The following HTR4 variants were observed in gnomAD, a reference collection of about 807,000 sequenced individuals.
HTR4 encodes the protein 5-hydroxytryptamine receptor 4, also known as 5-hydroxytryptamine (serotonin) receptor 4, G protein-coupled.
HTR4 carries 16 observed loss-of-function variants against 36.8 expected under a neutral mutation model. The observed-to-expected ratio is 0.43, with a 90% CI of 0.29 to 0.66. The LOEUF (loss-of-function observed/expected upper bound fraction) is 0.66, where lower values mean the gene tolerates loss of function less well. Among genes scored for constraint, HTR4 ranks in the 30% least tolerant of loss-of-function variants. HTR4 has a pLI of 0.13. For synonymous variants in HTR4, 189 were observed against 185.1 expected (o/e 1.02, Z -0.17); for missense variants, 438 against 490.9 (o/e 0.89, Z 1.02).
chr5:148,581,423 A>G, intron 2 of HTR4, among the ~76,000 whole-genome samples: 1 of 143,790 alleles, frequency 7.0e-6, no homozygotes, highest in East Asian at 2.0e-4. Context: ...ACTGAGATCA[A>G]TGACAAGAAG....
rs576734270 is a variant in HTR4, at chr5:148,564,466, A to G, written c.27-14204T>C. 2.0e-5 allele frequency among the ~76,000 whole-genome samples: 3 copies of G among 152,316 alleles called. No homozygotes were observed. The South Asian group carries it at 6.2e-4, about 32-fold the overall frequency. On this transcript the variant is annotated intron_variant, in intron 2 of 6. Transcript: ENST00000377888. ...CACTAACTTACTGATTTTGGTATCAACAGTGCCTAGTATAACAAATATATG... is the reference window on the plus strand; with the variant it reads ...CACTAACTTACTGATTTTGGTATCAGCAGTGCCTAGTATAACAAATATATG...
intron 2 of HTR4, among the ~76,000 whole-genome samples, chr5:148,620,816 A>C (rs980586310): frequency 5.9e-5 from 9 of 152,166 alleles, no homozygotes; most frequent in African/African-American, 2.2e-4. Context: ...ATATTCAGGA[A>C]GCCTTGACTT....
chr5:148,538,739 G>A (rs1361485907), intron 4 of HTR4, among the ~76,000 whole-genome samples: 1 of 152,024 alleles, frequency 6.6e-6, no homozygotes, highest in Non-Finnish European at 1.5e-5. Context: ...ACAAAGAAAT[G>A]GAAAAACATT....
At chr5:148,543,618 G>T (rs1177262549) in intron 4 of HTR4, among the ~76,000 whole-genome samples, 1 of 152,104 alleles carries the variant, frequency 6.6e-6, no homozygotes, top group Admixed American at 6.5e-5. Context: ...GTTACCTCAG[G>T]TTATGCAGCT....
intron 2 of HTR4, among the ~76,000 whole-genome samples, chr5:148,551,959 G>T (rs1442216014): frequency 6.6e-6 from 1 of 152,122 alleles, no homozygotes; most frequent in Non-Finnish European, 1.5e-5. Context: ...TGGCTGGTCT[G>T]GGAGAGGCTG....
intron 5 of HTR4, among the ~76,000 whole-genome samples, chr5:148,516,003 T>C (rs1382867432): frequency 6.8e-6 from 1 of 148,030 alleles, no homozygotes; most frequent in East Asian, 2.0e-4. Context: ...TATATACACA[T>C]ATACATATAT....
At chr5:148,620,872 T>C (rs559185385) in intron 2 of HTR4, among the ~76,000 whole-genome samples, 1 of 152,294 alleles carries the variant, frequency 6.6e-6, no homozygotes, top group South Asian at 2.1e-4. Flanking sequence ...TGTCTCAGAC[T>C]AACCAAAAGG....
intron 4 of HTR4, among the ~76,000 whole-genome samples, chr5:148,541,270 G>A (rs979602900): frequency 6.6e-6 from 1 of 152,112 alleles, no homozygotes; most frequent in African/African-American, 2.4e-5. Flanking sequence ...TCTGAGGACA[G>A]AGAAACCAAC....
chr5:148,614,769 C>T (rs1332223332), intron 2 of HTR4, among the ~76,000 whole-genome samples: 1 of 152,068 alleles, frequency 6.6e-6, no homozygotes, highest in Non-Finnish European at 1.5e-5. Context: ...AGAAAATTTT[C>T]ACAACCTACT....
intron 6 of HTR4, among the ~76,000 whole-genome samples, chr5:148,492,236 T>C (rs746534982): frequency 1.3e-5 from 2 of 152,338 alleles, no homozygotes; most frequent in East Asian, 1.9e-4. Flanking sequence ...ACACACGGAA[T>C]GTGCTCAACT....
intron 2 of HTR4, among the ~76,000 whole-genome samples, chr5:148,634,386 A>G (rs1292351468): frequency 6.6e-6 from 1 of 152,212 alleles, no homozygotes; most frequent in Non-Finnish European, 1.5e-5. Flanking sequence ...ATATGTATTG[A>G]AATAAAATAT....
At chr5:148,590,222 G>T (rs1296581144) in intron 2 of HTR4, among the ~76,000 whole-genome samples, 9 of 150,036 alleles carry the variant, frequency 6.0e-5, no homozygotes, top group Admixed American at 1.3e-4. Flanking sequence ...CTCAACCCAG[G>T]ATTTTAGTTC....
Position 148,481,652 on chromosome 5 carries a change from CAAT to C in HTR4, c.*1548_*1550del, listed in dbSNP as rs1024501751. On this transcript the variant is annotated 3_prime_UTR_variant, in exon 7 of 7. Coordinates refer to ENST00000377888, the MANE Select transcript of HTR4 (RefSeq NM_000870.7). ...GAACTAAAGTAAACAACAATGGAAA[CAAT>C]AACTGACACCTTATAAGCAATAAGA... 2.0e-6 allele frequency: 3 copies of C among 1,492,852 alleles called. No individual in the cohort carries two copies. In the African/African-American group the frequency reaches 4.3e-5, roughly 21 times the overall value. The allele number at this position is 1,492,852 out of a possible 1,614,324, so 92.5% of individuals were successfully genotyped here.
chr5:148,545,649 C>T (rs1161081884), intron 4 of HTR4, among the ~76,000 whole-genome samples: 1 of 152,096 alleles, frequency 6.6e-6, no homozygotes, highest in East Asian at 1.9e-4. Context: ...AGTTTTCAGG[C>T]AGAGGGAAAA....
intron 2 of HTR4, among the ~76,000 whole-genome samples, chr5:148,573,247 G>C (rs541233550): frequency 6.6e-6 from 1 of 152,192 alleles, no homozygotes; most frequent in Admixed American, 6.6e-5. Flanking sequence ...GTATTGAGAA[G>C]GTTTCTGAGA....
chr5:148,482,549 G>A lies in HTR4; in HGVS notation c.*654C>T, dbSNP rs1755938012. The stretch of plus-strand genomic sequence containing the variant: ...GAAAATAAATGGAGCATGTCCTGAA[G>A]AGGAGGACAGACATTGGACATAAGG... On this transcript the variant is annotated 3_prime_UTR_variant, in exon 7 of 7. Coordinates refer to ENST00000377888, the MANE Select transcript of HTR4 (RefSeq NM_000870.7). The A allele has an allele frequency of 1.0e-6, 1 of 985,922 alleles. No individual in the cohort carries two copies. The highest frequency in any genetic ancestry group is 1.7e-5 in the African/African-American group (1 of 57,240). 61.1% of individuals were successfully genotyped at this position (985,922 alleles called of 1,614,324 possible).
In HTR4 at chr5:148,509,960, G is replaced by T. The variant is rs774432073; in HGVS notation, c.572C>A (p.Pro191His). 6.2e-7 allele frequency: 1 copy of T among 1,613,890 alleles called. No individual in the cohort carries two copies. The highest frequency in any genetic ancestry group is 1.1e-5 in the South Asian group (1 of 91,060). Residue 191 changes from proline to histidine, a missense_variant, in exon 6 of 7, where the codon CCC becomes CAC. Physicochemically the swap from Pro to His is moderately conservative, Grantham distance 77. Coordinates refer to ENST00000377888, the MANE Select transcript of HTR4 (RefSeq NM_000870.7). ...STYCVFMVNKPYAITCSVVAF... is the reference protein window; with the variant it reads ...STYCVFMVNKHYAITCSVVAF... ...CACCACAGAGCAGGTGATGGCGTAG[G>T]GCTTGTTGACCATGAAGACACAGTA...
At chr5:148,547,085 G>A (rs1759415863) in intron 4 of HTR4, among the ~76,000 whole-genome samples, 1 of 152,136 alleles carries the variant, frequency 6.6e-6, no homozygotes, top group African/African-American at 2.4e-5. Context: ...GAGGAAAAGA[G>A]AAAGCAATTT....
At chr5:148,474,677 G>A (rs1755653263), downstream of HTR4, among the ~76,000 whole-genome samples, 1 of 152,102 alleles carries the variant, frequency 6.6e-6, no homozygotes, top group Non-Finnish European at 1.5e-5. Context: ...TTTAAAGTTT[G>A]GTGGCATTAC....
Sources: gnomAD v4.1 joint callset for allele counts (sites outside exome capture counted in the v4.1 genomes callset) on GRCh38, gnomAD v4.1.1 for gene constraint, MANE v1.5 for transcripts, NCBI Gene and HGNC (gene_info 2026-07-23, HGNC 2026-07-21) for gene names.